Variants in RPH3A observed in about 807,000 individuals in gnomAD.
RPH3A encodes the protein rabphilin 3A, also known as rabphilin-3A.
In RPH3A, 48 loss-of-function variants were observed where a neutral mutation model predicts 102.2. That is an observed-to-expected ratio of 0.47 (90% CI 0.37 to 0.60). RPH3A has a LOEUF of 0.60. RPH3A is among the 20% of genes least tolerant of loss of function. The pLI, the probability that RPH3A is intolerant of heterozygous loss-of-function variation, is 0.00. For synonymous variants in RPH3A, 310 were observed against 324.3 expected, an observed-to-expected ratio of 0.96 and a Z score of 0.47; for missense variants, 781 against 910.1, an observed-to-expected ratio of 0.86 and a Z score of 1.83.
At chr12:112,872,495 G>C (rs144141401) in intron 10 of RPH3A, among the ~76,000 whole-genome samples, 9 of 152,138 alleles carry the variant, frequency 5.9e-5, no homozygotes, top group African/African-American at 2.2e-4. Context: ...CTTATTTCAT[G>C]GGTTGTTTTT....
chr12:112,713,995 G>A (rs141646390), intron 1 of RPH3A, among the ~76,000 whole-genome samples: 29 of 152,294 alleles, frequency 1.9e-4, no homozygotes, highest in African/African-American at 6.7e-4. Context: ...TTCCCCACCT[G>A]TAAAATGGGT....
intron 1 of RPH3A, among the ~76,000 whole-genome samples, chr12:112,785,578 A>G (rs1409866456): frequency 2.6e-5 from 4 of 152,202 alleles, no homozygotes; most frequent in Non-Finnish European, 5.9e-5. Context: ...AATAAAGATG[A>G]CAGACATGGG....
chr12:112,753,609 A>T (rs1236650353), intron 1 of RPH3A, among the ~76,000 whole-genome samples: 1 of 152,126 alleles, frequency 6.6e-6, no homozygotes, highest in Non-Finnish European at 1.5e-5. Flanking sequence ...TGATCTGCAG[A>T]GAAGTATGCT....
chr12:112,834,090 G>A (rs1002772797), intron 3 of RPH3A, among the ~76,000 whole-genome samples: 19 of 152,112 alleles, frequency 1.2e-4, no homozygotes, highest in African/African-American at 4.3e-4. Flanking sequence ...TCCATCCATT[G>A]CCAAAACTTC....
At chr12:112,728,632 T>A (rs1027052049) in intron 1 of RPH3A, among the ~76,000 whole-genome samples, 1 of 152,064 alleles carries the variant, frequency 6.6e-6, no homozygotes, top group Non-Finnish European at 1.5e-5. Flanking sequence ...ACCTTGGAGG[T>A]GGCAGAGTGT....
intron 1 of RPH3A, among the ~76,000 whole-genome samples, chr12:112,634,059 A>C (rs868618866): frequency 1.3e-5 from 2 of 152,194 alleles, no homozygotes; most frequent in Admixed American, 6.5e-5. Flanking sequence ...TTAAAAAATA[A>C]ATGGGTCGGC....
At chr12:112,744,507 T>A (rs2040730798) in intron 1 of RPH3A, among the ~76,000 whole-genome samples, 1 of 152,132 alleles carries the variant, frequency 6.6e-6, no homozygotes, top group South Asian at 2.1e-4. Context: ...CGGAGGGGAG[T>A]TGGGCTGGAA....
At chr12:112,847,611 CAGTTTCCCAGACAGTG>C in intron 4 of RPH3A, 69 bp from the exon 5 acceptor site, 1 of 1,436,432 alleles carries the variant, frequency 7.0e-7, no homozygotes, top group Non-Finnish European at 9.6e-7. Flanking sequence ...CTTTTGTCCA[CAGTTTCCCAGACAGTG>C]AGTTTCCCGG....
intron 1 of RPH3A, among the ~76,000 whole-genome samples, chr12:112,582,942 A>G (rs1391635474): frequency 2.0e-5 from 3 of 152,018 alleles, no homozygotes; most frequent in Non-Finnish European, 4.4e-5. Context: ...GGCTCTTTCA[A>G]TGGTTCTATT....
At chr12:112,677,721 G>C (rs2040191856) in intron 1 of RPH3A, among the ~76,000 whole-genome samples, 1 of 151,976 alleles carries the variant, frequency 6.6e-6, no homozygotes, top group Admixed American at 6.6e-5. Flanking sequence ...GGCTTAAAAA[G>C]TATATGATGC....
At chr12:112,671,723 A>G (rs1001712547) in intron 1 of RPH3A, among the ~76,000 whole-genome samples, 5 of 152,158 alleles carry the variant, frequency 3.3e-5, no homozygotes, top group African/African-American at 1.2e-4. Context: ...GACCTGCAGC[A>G]TGGGAATTAG....
intron 5 of RPH3A, among the ~76,000 whole-genome samples, chr12:112,858,266 C>CAAAAAAAAAAAAAAAAAAAA (rs1164602599): frequency 2.7e-4 from 12 of 44,772 alleles, no homozygotes; most frequent in South Asian, 1.5e-3. Flanking sequence ...GACCCTGTCT[C>CAAAAAAAAAAAAAAAAAAAA]AAAAAAAAAA....
At chr12:112,757,034 C>T (rs1023321638) in intron 1 of RPH3A, among the ~76,000 whole-genome samples, 1 of 152,204 alleles carries the variant, frequency 6.6e-6, no homozygotes. Flanking sequence ...GTTTTCTTTT[C>T]TATGAACTCT....
chr12:112,704,330 T>A (rs2040414320), intron 1 of RPH3A, among the ~76,000 whole-genome samples: 4 of 152,144 alleles, frequency 2.6e-5, no homozygotes, highest in Admixed American at 2.6e-4. Flanking sequence ...CCTCAGGTGA[T>A]CCGCCCACCT....
chr12:112,868,489 G>A lies in RPH3A; in HGVS notation c.504G>A (p.Gln168=), dbSNP rs2042649110. Residue 168 remains glutamine, a synonymous_variant, in exon 8 of 22, where the codon CAG becomes CAA. Transcript: ENST00000389385. ...GCTTCCCCAAACAGGTCCTCCCACA[G>A]CCTATGCCTATAAAGAAGACCAAGC... ...FKGFPKQVLP[Q]PMPIKKTKPQ... 3 of 1,614,172 alleles carry A rather than the reference G, an allele frequency of 1.9e-6. No individual in the cohort carries two copies. The highest frequency in any genetic ancestry group is 3.3e-4 in the Middle Eastern group (2 of 6,062).
intron 13 of RPH3A, among the ~76,000 whole-genome samples, chr12:112,877,932 CA>C (rs2042836676): frequency 6.6e-6 from 1 of 152,146 alleles, no homozygotes; most frequent in Non-Finnish European, 1.5e-5. Context: ...CGAACCTGGG[CA>C]TAGTTGCTTT....
chr12:112,835,614 G>A (rs758483168), intron 3 of RPH3A, among the ~76,000 whole-genome samples: 16 of 152,156 alleles, frequency 1.1e-4, no homozygotes, highest in Non-Finnish European at 1.9e-4. Context: ...GTGAATTACA[G>A]TCATCACACA....
At chr12:112,588,912 G>T (rs1030563951) in intron 1 of RPH3A, among the ~76,000 whole-genome samples, 1 of 152,172 alleles carries the variant, frequency 6.6e-6, no homozygotes, top group Admixed American at 6.5e-5. Context: ...ATTCAGCTGG[G>T]GGAATCTGGA....
intron 1 of RPH3A, among the ~76,000 whole-genome samples, chr12:112,768,435 A>G (rs892797010): frequency 1.3e-5 from 2 of 152,092 alleles, no homozygotes; most frequent in Non-Finnish European, 2.9e-5. Context: ...TGCTCCAGCC[A>G]TGTTGGCCTC....
Sources: gnomAD v4.1 joint callset for allele counts (sites outside exome capture counted in the v4.1 genomes callset) on GRCh38, gnomAD v4.1.1 for gene constraint, MANE v1.5 for transcripts, NCBI Gene and HGNC (gene_info 2026-07-23, HGNC 2026-07-21) for gene names.